ZNF44: variants seen among roughly 807,000 people sequenced by gnomAD.
ZNF44 encodes the protein zinc finger protein 44, also known as gonadotropin inducible transcription repressor-2.
ZNF44 carries 9 observed loss-of-function variants against 11.7 expected under a neutral mutation model. The observed-to-expected ratio is 0.77, with a 90% confidence interval of 0.46 to 1.35. The LOEUF is 1.35. Ranked by LOEUF, ZNF44 falls within the 40% of genes most tolerant of loss-of-function variation. The pLI is 0.00. For synonymous variants in ZNF44, 224 were observed against 242.7 expected, an observed-to-expected ratio of 0.92 and a Z score of 0.72; for missense variants, 696 against 743.1, an observed-to-expected ratio of 0.94 and a Z score of 0.74.
rs1219356554 is a variant in ZNF44 at position 12,272,973 on chromosome 19, TC to T, written c.1281del (p.Ala429ProfsTer91). On this transcript the variant is annotated frameshift_variant, in exon 4 of 4. Coordinates refer to ENST00000355684, the MANE Select transcript of ZNF44 (RefSeq NM_016264.4). LOFTEE classifies it low-confidence loss of function (END_TRUNC). Reference protein sequence around the residue: ...GEKPYECKQCGKAFRTSSSLR... With the variant: ...GEKPYECKQCXKAFRTSSSLR... Reference sequence around the variant, plus strand: ...AGGGAACTGGAAGTACGGAAGGCTTTCCCACATTGCTTGCATTCATAGGGTT... The same window carrying T: ...AGGGAACTGGAAGTACGGAAGGCTTTCCACATTGCTTGCATTCATAGGGTT... 5.6e-6 allele frequency: 9 copies of T among 1,613,968 alleles called. No individual in the cohort carries two copies. In the African/African-American group the frequency reaches 1.2e-4, roughly 22 times the overall value.
downstream of ZNF44, among the ~76,000 whole-genome samples, chr19:12,270,323 A>C (rs1306278501): frequency 3.3e-5 from 5 of 151,968 alleles, no homozygotes; most frequent in Non-Finnish European, 5.9e-5. Context: ...ACAAAACAAA[A>C]ATTTAATTTT....
At chr19:12,259,651 C>T (rs536365261) in intron 5 of ZNF44, among the ~76,000 whole-genome samples, 14 of 152,224 alleles carry the variant, frequency 9.2e-5, no homozygotes, top group African/African-American at 3.4e-4. Context: ...CACCAGAGAG[C>T]CTGTGTCATC....
chr19:12,239,292 T>C (rs1394154030), upstream of ZNF44, among the ~76,000 whole-genome samples: 1 of 152,038 alleles, frequency 6.6e-6, no homozygotes, highest in Non-Finnish European at 1.5e-5. Flanking sequence ...TTTTGTATTT[T>C]TAGTATAGAC....
chr19:12,269,281 T>C (rs913956931), downstream of ZNF44, among the ~76,000 whole-genome samples: 1 of 152,088 alleles, frequency 6.6e-6, no homozygotes, highest in African/African-American at 2.4e-5. Flanking sequence ...TCCCAGCACT[T>C]TGGGAGGCCA....
At position 12,250,423 on chromosome 19, in the gene ZNF44, C is replaced by T. The variant is rs556206245; in HGVS notation, c.1913-55G>A. On this transcript the variant is annotated intron_variant and NMD_transcript_variant, in intron 5 of 7. Transcript: ENST00000393337. ...AATGGGTGAGACTGACAGCACTGGA[C>T]ATCTATACTCGAGTCATAAGATGTT... is the stretch of plus-strand genomic sequence containing the variant. 65 of 1,276,032 alleles carry T rather than the reference C, an allele frequency of 5.1e-5. No individual in the cohort carries two copies. The East Asian group carries it at 2.6e-3, about 52-fold the overall frequency. 79.0% of individuals were successfully genotyped at this position (1,276,032 alleles called of 1,614,324 possible).
intron 1 of ZNF44, among the ~76,000 whole-genome samples, chr19:12,289,988 T>G (rs549361652): frequency 1.3e-5 from 2 of 152,154 alleles, no homozygotes; most frequent in Non-Finnish European, 2.9e-5. Flanking sequence ...GACTGTCTAG[T>G]GACAGCCCTA....
chr19:12,245,650 A>G (rs1293498344), downstream of ZNF44, among the ~76,000 whole-genome samples: 1 of 152,216 alleles, frequency 6.6e-6, no homozygotes, highest in African/African-American at 2.4e-5. Flanking sequence ...TACTATGCAA[A>G]TTAGATCTTG....
At chr19:12,268,145 GACACACACACACACACACACAC>G (rs71166661), downstream of ZNF44, among the ~76,000 whole-genome samples, 5 of 136,746 alleles carry the variant, frequency 3.7e-5, no homozygotes, top group African/African-American at 1.1e-4. Context: ...CACACACACA[GACACACACACACACACACACAC>G]ACACACACAC....
intron 3 of ZNF44, 80 bp from the exon 4 acceptor site, chr19:12,274,143 A>G: frequency 7.7e-7 from 1 of 1,303,042 alleles, no homozygotes; most frequent in Non-Finnish European, 1.1e-6. Flanking sequence ...TTACATTTTT[A>G]ACATTATCAG....
chr19:12,229,892 G>A (rs1599480147), intron 3 of ZNF44, among the ~76,000 whole-genome samples: 2 of 152,118 alleles, frequency 1.3e-5, no homozygotes, highest in South Asian at 2.1e-4. Flanking sequence ...GATTATAGAC[G>A]TGAGCCACCA....
At position 12,282,562 on chromosome 19, in the gene ZNF44, T is replaced by C. The variant is rs139070716; in HGVS notation, c.4-6480A>G. Among the ~76,000 whole-genome samples the C allele has an allele frequency of 2.6e-4, 39 of 151,938 alleles. No individual in the cohort carries two copies. The East Asian group carries it at 6.6e-3, about 26-fold the overall frequency. ...TCAGCCTCTCGAGCAGCTGGGATTA[T>C]AGGTGTCCGCTACCATGCCCGGCTA... On this transcript the variant is annotated intron_variant, in intron 1 of 3. Coordinates refer to ENST00000355684, the MANE Select transcript of ZNF44 (RefSeq NM_016264.4).
chr19:12,232,141 T>C (rs1255050970), intron 2 of ZNF44, among the ~76,000 whole-genome samples: 5 of 152,254 alleles, frequency 3.3e-5, no homozygotes, highest in Non-Finnish European at 7.3e-5. Context: ...CTTTTAGATA[T>C]GCATACACAT....
At position 12,256,062 on chromosome 19, in the gene ZNF44, A is replaced by AC. The variant is rs1190173336; in HGVS notation, c.1913-5695_1913-5694insG. ...CAAAAAAAAAAAAAAAAAAAAAAAA[A>AC]AACAGCCTACATAGTAAAGGAGTCA... On this transcript the variant is annotated intron_variant and NMD_transcript_variant, in intron 5 of 7. Transcript: ENST00000393337. Among the ~76,000 whole-genome samples the AC allele has an allele frequency of 4.6e-4, 68 of 149,244 alleles. 1 individual carries two copies. The highest frequency in any genetic ancestry group is 1.7e-3 in the African/African-American group (66 of 39,732).
intron 5 of ZNF44, among the ~76,000 whole-genome samples, chr19:12,256,028 ACT>A (rs1404539342): frequency 1.0e-4 from 13 of 126,542 alleles, no homozygotes; most frequent in East Asian, 6.9e-4. Flanking sequence ...CAAGAGCGAA[ACT>A]CTGTCTCAAA....
chr19:12,227,964 T>TAAGA (rs1915990204), intron 3 of ZNF44, among the ~76,000 whole-genome samples: 2 of 152,198 alleles, frequency 1.3e-5, no homozygotes, highest in African/African-American at 4.8e-5. Context: ...GACCATAAGG[T>TAAGA]AAGATTTTTA....
intron 5 of ZNF44, among the ~76,000 whole-genome samples, chr19:12,255,272 T>C (rs572949900): frequency 1.3e-5 from 2 of 151,616 alleles, no homozygotes; most frequent in Admixed American, 6.6e-5. Flanking sequence ...ATTAAAACCA[T>C]AGTAAGCAAA....
In ZNF44 at chr19:12,273,019, T is replaced by A; in HGVS notation, c.1236A>T (p.Glu412Asp). The A allele has an allele frequency of 6.2e-7, 1 of 1,614,074 alleles. No homozygotes were observed. Among genetic ancestry groups the A allele is most frequent in the Non-Finnish European group, 8.5e-7 (1 of 1,179,984 alleles). The change falls in exon 4 of 4, where the codon GAA becomes GAT. Residue 412 changes from glutamate (E) to aspartate (D), a missense_variant. Coordinates refer to ENST00000355684, the MANE Select transcript of ZNF44 (RefSeq NM_016264.4). ...AGGGTTTCTCTCCAGTGTGAGTCCT[T>A]TCATGTCTTTGAAATACACTAGGAG... ...FDSPSVFQRH[E>D]RTHTGEKPYE... is the part of the protein sequence containing the mutation.
At chr19:12,227,729 T>C (rs770139267) in intron 3 of ZNF44, among the ~76,000 whole-genome samples, 7 of 152,254 alleles carry the variant, frequency 4.6e-5, no homozygotes, top group Non-Finnish European at 1.0e-4. Flanking sequence ...TACACTAAGA[T>C]ATGTCAGAAT....
intron 2 of ZNF44, among the ~76,000 whole-genome samples, chr19:12,232,433 A>G (rs950992698): frequency 2.0e-5 from 3 of 152,132 alleles, no homozygotes; most frequent in Admixed American, 6.5e-5. Flanking sequence ...ATTTCAGACT[A>G]TCACATGGGG....
Sources: gnomAD v4.1 joint callset for allele counts (sites outside exome capture counted in the v4.1 genomes callset) on GRCh38, gnomAD v4.1.1 for gene constraint, MANE v1.5 for transcripts, NCBI Gene and HGNC (gene_info 2026-07-23, HGNC 2026-07-21) for gene names.